Variants in CACNA2D3 observed in about 807,000 individuals in gnomAD.
CACNA2D3 encodes voltage-dependent calcium channel subunit alpha-2/delta-3.
A neutral mutation model predicts 160.6 loss-of-function variants in CACNA2D3; 60 were observed. The observed-to-expected ratio is 0.37, with a 90% CI of 0.30 to 0.46. The LOEUF is 0.46. Among genes scored for constraint, CACNA2D3 ranks in the 20% least tolerant of loss-of-function variants. CACNA2D3 has a pLI of 1.00. For synonymous variants in CACNA2D3, 558 were observed against 492.9 expected, an observed-to-expected ratio of 1.13 and a Z score of -1.75; for missense variants, 1,205 against 1,365.0, an observed-to-expected ratio of 0.88 and a Z score of 1.85.
rs539391571 is a variant in CACNA2D3, at chr3:54,810,997, C to T, written c.1381-5856C>T. Among the ~76,000 whole-genome samples the T allele has an allele frequency of 4.6e-5, 7 of 152,302 alleles. No homozygotes were observed. The South Asian group carries it at 1.2e-3, about 27-fold the overall frequency. ...GTTGCCTGCGCTGGTCCCATCTCATCACATGGGCTCTCCCTGGTGGGATGT... is the reference window on the plus strand; with the variant it reads ...GTTGCCTGCGCTGGTCCCATCTCATTACATGGGCTCTCCCTGGTGGGATGT... On this transcript the variant is annotated intron_variant, in intron 13 of 37. Coordinates refer to ENST00000474759, the MANE Select transcript of CACNA2D3 (RefSeq NM_018398.3).
chr3:54,748,743 C>T (rs1701803579), intron 11 of CACNA2D3, among the ~76,000 whole-genome samples: 1 of 152,126 alleles, frequency 6.6e-6, no homozygotes. Flanking sequence ...TTCAGGACCA[C>T]CCCAGATTTG....
intron 8 of CACNA2D3, among the ~76,000 whole-genome samples, chr3:54,581,269 C>T (rs934104199): frequency 3.3e-5 from 5 of 152,120 alleles, no homozygotes; most frequent in African/African-American, 7.2e-5. Flanking sequence ...ATGGGAGTGC[C>T]GGTGTTGGCA....
intron 35 of CACNA2D3, among the ~76,000 whole-genome samples, chr3:55,059,824 C>T (rs1704460290): frequency 6.6e-6 from 1 of 151,914 alleles, no homozygotes; most frequent in South Asian, 2.1e-4. Flanking sequence ...GATGATCTTC[C>T]CCTGGAGTTC....
At chr3:54,507,525 G>C (rs1306891364) in intron 5 of CACNA2D3, among the ~76,000 whole-genome samples, 1 of 152,128 alleles carries the variant, frequency 6.6e-6, no homozygotes, top group Non-Finnish European at 1.5e-5. Context: ...ATGTTGGTTG[G>C]TGTGGAAGAC....
chr3:54,744,703 TATGG>T (rs1701719687), intron 11 of CACNA2D3, among the ~76,000 whole-genome samples: 1 of 152,224 alleles, frequency 6.6e-6, no homozygotes, highest in Non-Finnish European at 1.5e-5. Flanking sequence ...GGGAAGTATC[TATGG>T]ATGGAAGACT....
intron 2 of CACNA2D3, among the ~76,000 whole-genome samples, chr3:54,228,635 G>C (rs1701715790): frequency 6.6e-6 from 1 of 152,184 alleles, no homozygotes; most frequent in Non-Finnish European, 1.5e-5. Flanking sequence ...ACAAGGACTT[G>C]TGACCCATTT....
chr3:54,898,224 C>T (rs1162302281), intron 26 of CACNA2D3, among the ~76,000 whole-genome samples: 2 of 140,742 alleles, frequency 1.4e-5, no homozygotes, highest in Admixed American at 7.5e-5. Flanking sequence ...CCGCCCCACC[C>T]CGTCTTTTTT....
intron 9 of CACNA2D3, among the ~76,000 whole-genome samples, chr3:54,584,963 A>G (rs928509919): frequency 2.6e-5 from 4 of 152,330 alleles, no homozygotes; most frequent in African/African-American, 7.2e-5. Flanking sequence ...GGCATTCTCA[A>G]TGGAAGGAAA....
At position 54,313,412 on chromosome 3, in the gene CACNA2D3, C is replaced by CTT. The variant is rs560382066; in HGVS notation, c.205-7029_205-7028insTT. Among the ~76,000 whole-genome samples, 23 of 152,270 alleles carry CTT rather than the reference C, an allele frequency of 1.5e-4. No homozygotes were observed. In the East Asian group the frequency reaches 4.4e-3, roughly 29 times the overall value. ...TTGCCCCCTTACTCTATTCTGCACA[C>CTT]TGAGGTTATTCAAAAGTACAGACCT... On this transcript the variant is annotated intron_variant, in intron 2 of 37. Transcript: ENST00000474759.
At chr3:54,458,602 T>G (rs546540463) in intron 4 of CACNA2D3, among the ~76,000 whole-genome samples, 1 of 152,074 alleles carries the variant, frequency 6.6e-6, no homozygotes, top group Non-Finnish European at 1.5e-5. Flanking sequence ...TAGCATTCTC[T>G]CTTTGTCTCA....
At position 54,831,231 on chromosome 3, in the gene CACNA2D3, C is replaced by T. The variant is rs552180769; in HGVS notation, c.1399-5928C>T. On this transcript the variant is annotated intron_variant, in intron 14 of 37. Coordinates refer to ENST00000474759, the MANE Select transcript of CACNA2D3 (RefSeq NM_018398.3). ...TCTAGGGCTGAGCAGATCTGGCAGG[C>T]GGCTCCGCTGAAAACCACCTGGCAG... Among the ~76,000 whole-genome samples the T allele has an allele frequency of 8.5e-5, 13 of 152,288 alleles. No individual in the cohort carries two copies. In the East Asian group the frequency reaches 1.9e-3, roughly 23 times the overall value.
At chr3:54,329,874 C>T (rs917407573) in intron 3 of CACNA2D3, among the ~76,000 whole-genome samples, 23 of 152,212 alleles carry the variant, frequency 1.5e-4, no homozygotes, top group Admixed American at 2.6e-4. Flanking sequence ...GTGTTGGTGG[C>T]ATTGGTTGTA....
intron 2 of CACNA2D3, among the ~76,000 whole-genome samples, chr3:54,157,505 C>T (rs1245073117): frequency 1.3e-5 from 2 of 152,076 alleles, no homozygotes; most frequent in Non-Finnish European, 2.9e-5. Flanking sequence ...AAAGAAGAAA[C>T]GGGGGCCAGG....
At chr3:54,758,748 T>G (rs1559571518) in intron 12 of CACNA2D3, among the ~76,000 whole-genome samples, 1 of 152,158 alleles carries the variant, frequency 6.6e-6, no homozygotes, top group Non-Finnish European at 1.5e-5. Context: ...CTCTGGAGAC[T>G]GATATTTTGG....
chr3:54,501,042 T>C (rs901827650), intron 4 of CACNA2D3, among the ~76,000 whole-genome samples: 1 of 152,194 alleles, frequency 6.6e-6, no homozygotes, highest in Non-Finnish European at 1.5e-5. Flanking sequence ...AAGAGTGTTG[T>C]TTCCTCACCT....
chr3:54,284,790 A>G (rs1415590392), intron 2 of CACNA2D3, among the ~76,000 whole-genome samples: 1 of 152,234 alleles, frequency 6.6e-6, no homozygotes, highest in Admixed American at 6.5e-5. Context: ...TTACAAGAAT[A>G]AAAGATGTTC....
chr3:54,565,354 T>A (rs987867748), intron 6 of CACNA2D3, among the ~76,000 whole-genome samples: 2 of 152,156 alleles, frequency 1.3e-5, no homozygotes, highest in Non-Finnish European at 2.9e-5. Context: ...CAACTCCAAC[T>A]CCTGGCGTGA....
At chr3:54,607,869 A>G (rs965707457) in intron 9 of CACNA2D3, among the ~76,000 whole-genome samples, 8 of 152,242 alleles carry the variant, frequency 5.3e-5, no homozygotes, top group Non-Finnish European at 7.3e-5. Flanking sequence ...ACTATGGTAC[A>G]TTCATACAGA....
intron 5 of CACNA2D3, among the ~76,000 whole-genome samples, chr3:54,521,049 T>G (rs1418756908): frequency 1.3e-5 from 2 of 152,174 alleles, no homozygotes; most frequent in Non-Finnish European, 2.9e-5. Context: ...TTTTTGTCTA[T>G]TATGAATAAT....
Sources: allele counts gnomAD v4.1 joint callset (sites outside exome capture counted in the v4.1 genomes callset), GRCh38; gene constraint gnomAD v4.1.1; transcripts MANE v1.5; gene names NCBI Gene and HGNC (gene_info 2026-07-23, HGNC 2026-07-21).